ARHGEF10: variants seen among roughly 807,000 people sequenced by gnomAD.
ARHGEF10 encodes the protein Rho guanine nucleotide exchange factor (GEF) 10.
Under a neutral mutation model 147.4 loss-of-function variants are expected in ARHGEF10, and 140 were observed. The observed-to-expected ratio is 0.95, with a 90% confidence interval of 0.83 to 1.09. The LOEUF is 1.09. ARHGEF10 is among the 50% of genes least tolerant of loss of function. The pLI is 0.00. For synonymous variants in ARHGEF10, 902 were observed against 695.8 expected (o/e 1.30, Z -4.67); for missense variants, 2,222 against 1,752.7 (o/e 1.27, Z -4.78).
intron 2 of ARHGEF10, among the ~76,000 whole-genome samples, chr8:1,854,231 C>G (rs1563180715): frequency 6.6e-6 from 1 of 152,174 alleles, no homozygotes; most frequent in Non-Finnish European, 1.5e-5. Context: ...ATGCTCACCT[C>G]AGAGGGCGGC....
At chr8:1,875,572 G>C (rs1421246924) in intron 7 of ARHGEF10, among the ~76,000 whole-genome samples, 1 of 152,242 alleles carries the variant, frequency 6.6e-6, no homozygotes, top group Admixed American at 6.5e-5. Context: ...TGCAGCTTCT[G>C]CAAAGTGAGC....
chr8:1,858,714 C>T (rs183799089), intron 3 of ARHGEF10: 102 of 158,088 alleles, frequency 6.5e-4, no homozygotes, highest in Middle Eastern at 3.2e-3. Flanking sequence ...AGTGTTTCTT[C>T]CTGTGTAGCA....
rs780367786 is a variant in ARHGEF10 at position 1,926,398 on chromosome 8, C to A, written c.2632C>A (p.Pro878Thr). ...TTAGATTGAATGTGCTGCTTATAACCCTGAACCTTACCTAAATAATGAAAG... is the reference window on the plus strand; with the variant it reads ...TTAGATTGAATGTGCTGCTTATAACACTGAACCTTACCTAAATAATGAAAG... Reference protein sequence around the residue: ...EFKIECAAYNPEPYLNNESQP... With the variant: ...EFKIECAAYNTEPYLNNESQP... Residue 878 changes from proline (P) to threonine (T), a missense_variant, in exon 23 of 29, where the codon CCT (proline) becomes ACT (threonine). By Grantham distance (38) the Pro-to-Thr change is conservative (BLOSUM62 -1). Transcript: ENST00000349830. The A allele has an allele frequency of 3.8e-5, 61 of 1,613,930 alleles. No homozygotes were observed. The highest frequency in any genetic ancestry group is 5.1e-5 in the Non-Finnish European group (60 of 1,179,954).
chr8:1,885,946 A>G (rs1392701554), intron 11 of ARHGEF10, among the ~76,000 whole-genome samples: 1 of 151,986 alleles, frequency 6.6e-6, no homozygotes, highest in Non-Finnish European at 1.5e-5. Context: ...GTCCTTAAAT[A>G]TTTTGGACAG....
intron 26 of ARHGEF10, 62 bp downstream of exon 26, chr8:1,934,004 C>A (rs1241220789): frequency 1.9e-5 from 30 of 1,608,394 alleles, no homozygotes; most frequent in Non-Finnish European, 2.4e-5. Flanking sequence ...GCTCAGCTGA[C>A]TTCTGGTGCC....
In ARHGEF10 at chr8:1,920,051, C is replaced by CAT. The variant is rs1563286433; in HGVS notation, c.2144-2913_2144-2912insAT. On this transcript the variant is annotated intron_variant, in intron 18 of 28. Coordinates refer to ENST00000349830, the MANE Select transcript of ARHGEF10 (RefSeq NM_014629.4). ...TGTTCTATGGGTGATGGAGCTGTTCCGTGGGTGATGGAGCTGTTCTGTGGG... is the reference window on the plus strand; with the variant it reads ...TGTTCTATGGGTGATGGAGCTGTTCCATGTGGGTGATGGAGCTGTTCTGTGGG... Among the ~76,000 whole-genome samples, 858 of 109,980 alleles carry CAT rather than the reference C, an allele frequency of 7.8e-3. 54 individuals are homozygous for CAT. Among genetic ancestry groups the CAT allele is most frequent in the African/African-American group, 0.03 (811 of 26,892 alleles). 72.2% of individuals were successfully genotyped at this position (109,980 alleles called of 152,430 possible). A position where few individuals can be genotyped will look rare whatever the true frequency, so the allele number is the denominator to read the frequency against.
intron 11 of ARHGEF10, among the ~76,000 whole-genome samples, chr8:1,889,257 G>GGT (rs756571409): frequency 1.0e-4 from 5 of 49,686 alleles, no homozygotes; most frequent in African/African-American, 1.4e-4. Context: ...GGGATGAGAG[G>GGT]TGTGAGGAGA....
At chr8:1,933,679 A>T in intron 25 of ARHGEF10, 121 bp from the exon 26 acceptor site, 2 of 1,294,594 alleles carry the variant, frequency 1.5e-6, no homozygotes, top group Non-Finnish European at 2.2e-6. Flanking sequence ...GATCAGGCAC[A>T]AGCATTAACA....
At chr8:1,916,256 C>T (rs753134795) in intron 18 of ARHGEF10, among the ~76,000 whole-genome samples, 24 of 152,182 alleles carry the variant, frequency 1.6e-4, no homozygotes, top group African/African-American at 4.6e-4. Context: ...GGCCTGTGGA[C>T]GGGGTCCTAT....
chr8:1,953,582 A>T (rs1262564243), intron 28 of ARHGEF10, among the ~76,000 whole-genome samples: 1 of 152,108 alleles, frequency 6.6e-6, no homozygotes, highest in African/African-American at 2.4e-5. Flanking sequence ...GAAACAGCCT[A>T]AGCTAGGAAC....
intron 25 of ARHGEF10, among the ~76,000 whole-genome samples, chr8:1,930,759 C>T (rs531417214): frequency 2.6e-5 from 4 of 152,372 alleles, no homozygotes; most frequent in African/African-American, 7.2e-5. Context: ...ACGGCCCCTC[C>T]TTCTCCCGTG....
Position 1,888,553 on chromosome 8 carries a change from AGGTATGGG to A in ARHGEF10, c.1182+2848_1182+2855del, listed in dbSNP as rs1174025351. On this transcript the variant is annotated intron_variant, in intron 11 of 28. Coordinates refer to ENST00000349830, the MANE Select transcript of ARHGEF10 (RefSeq NM_014629.4). ...CTGTGAGGAGACGCTGAGTGGGGTG[AGGTATGGG>A]GAGACACTGAGTGGGGTGTGAGGGG... Among the ~76,000 whole-genome samples the A allele has an allele frequency of 1.2e-4, 12 of 99,986 alleles. 2 individuals are homozygous for A. The highest frequency in any genetic ancestry group is 5.7e-4 in the African/African-American group (12 of 21,010). 65.6% of individuals were successfully genotyped at this position (99,986 alleles called of 152,430 possible). A position where few individuals can be genotyped will look rare whatever the true frequency, so the allele number is the denominator to read the frequency against.
intron 7 of ARHGEF10, chr8:1,870,557 T>G (rs2129095965): frequency 6.6e-6 from 1 of 152,098 alleles, no homozygotes; most frequent in South Asian, 2.1e-4. Context: ...TGTAAGTAAA[T>G]GGATGGAAAA....
At chr8:1,870,825 T>C (rs573365235) in intron 7 of ARHGEF10, 1 of 152,208 alleles carries the variant, frequency 6.6e-6, no homozygotes, top group East Asian at 1.9e-4. Context: ...ATAAAATCAG[T>C]AAACCGGCCA....
In ARHGEF10 at chr8:1,862,505, C is replaced by G. The variant is rs1806214998; in HGVS notation, c.482-1868C>G. On this transcript the variant is annotated intron_variant, in intron 4 of 28. Transcript: ENST00000349830. Reference sequence around the variant, plus strand: ...TTAGGCGACTCCCTGGCCAGCGTGTCTGCCTCCTTCTGACCTTGACAGACT... The same window carrying G: ...TTAGGCGACTCCCTGGCCAGCGTGTGTGCCTCCTTCTGACCTTGACAGACT... Among the ~76,000 whole-genome samples the G allele has an allele frequency of 2.6e-5, 4 of 152,250 alleles. No individual in the cohort carries two copies. In the South Asian group the frequency reaches 8.3e-4, roughly 31 times the overall value.
chr8:1,869,155 T>C lies in ARHGEF10; in HGVS notation c.623-39T>C, dbSNP rs55641418. Reference sequence around the variant, plus strand: ...AAAATTTAAATTGCACTAGGTTTTGTTGGTCACTGTTTAAAGTGTTTCTCC... The same window carrying C: ...AAAATTTAAATTGCACTAGGTTTTGCTGGTCACTGTTTAAAGTGTTTCTCC... On this transcript the variant is annotated intron_variant, in intron 6 of 28. Transcript: ENST00000349830. 1,434 of 1,572,040 alleles carry C rather than the reference T, an allele frequency of 9.1e-4. 18 individuals are homozygous for C. The African/African-American group carries it at 0.017, about 18-fold the overall frequency.
intron 16 of ARHGEF10, 111 bp downstream of exon 16, chr8:1,903,562 C>A (rs143817896): frequency 1.4e-6 from 2 of 1,415,940 alleles, no homozygotes; most frequent in South Asian, 1.2e-5. Context: ...TAATTCCCTT[C>A]GCCCAGAGTT....
intron 2 of ARHGEF10, among the ~76,000 whole-genome samples, chr8:1,844,098 C>A (rs1804315216): frequency 1.3e-5 from 2 of 151,914 alleles, no homozygotes; most frequent in East Asian, 3.9e-4. Flanking sequence ...CCTGCCGGAC[C>A]ACATGTTGCA....
rs1563299079 is a variant in ARHGEF10, at chr8:1,928,606, A to C, written c.2877A>C (p.Arg959Ser). The stretch of plus-strand genomic sequence containing the variant: ...CGGACCCCGAGACCCCGGCCGTGAG[A>C]GCTTCTGATGTCCCCACGATCTGTG... ...APPDPETPAV[R>S]ASDVPTICVG... is the part of the protein sequence containing the mutation. The change falls in exon 24 of 29, where the codon AGA becomes AGC. Residue 959 changes from arginine (R) to serine (S), a missense_variant. Coordinates refer to ENST00000349830, the MANE Select transcript of ARHGEF10 (RefSeq NM_014629.4). 6.2e-7 allele frequency: 1 copy of C among 1,614,030 alleles called. No homozygotes were observed. The highest frequency in any genetic ancestry group is 1.3e-5 in the African/African-American group (1 of 74,992).
Sources: gnomAD v4.1 joint callset for allele counts (sites outside exome capture counted in the v4.1 genomes callset) on GRCh38, gnomAD v4.1.1 for gene constraint, MANE v1.5 for transcripts, NCBI Gene and HGNC (gene_info 2026-07-23, HGNC 2026-07-21) for gene names.